Variants in SLC9C1 observed in about 807,000 individuals in gnomAD.
SLC9C1 encodes the protein solute carrier family 9 member C1.
In SLC9C1, 97 loss-of-function variants were observed where a neutral mutation model predicts 140.9. The ratio of observed to expected loss-of-function variants is 0.69; its 90% CI spans 0.58 to 0.82. The LOEUF is 0.82. Among genes scored for constraint, SLC9C1 ranks in the 40% least tolerant of loss-of-function variants. The pLI, the probability that SLC9C1 is intolerant of heterozygous loss-of-function variation, is 0.00. For missense variants in SLC9C1, 1,340 were observed against 1,389.3 expected (o/e 0.96, Z 0.56); for synonymous variants, 440 against 442.6 (o/e 0.99, Z 0.07).
chr3:112,147,608 C>A, intron 28 of SLC9C1: 1 of 326,626 alleles, frequency 3.1e-6, no homozygotes. Context: ...GAATATAGAT[C>A]CCCAGTCTCT....
At chr3:112,274,090 A>G (rs1380338188) in intron 6 of SLC9C1, among the ~76,000 whole-genome samples, 1 of 152,190 alleles carries the variant, frequency 6.6e-6, no homozygotes, top group Non-Finnish European at 1.5e-5. Context: ...CTTTGATTTC[A>G]TAGACATCCT....
At chr3:112,182,433 T>C (rs1445602271) in intron 20 of SLC9C1, among the ~76,000 whole-genome samples, 175 bp from the exon 21 acceptor site, 2 of 152,170 alleles carry the variant, frequency 1.3e-5, no homozygotes, top group East Asian at 3.8e-4. Context: ...ATTATTTTTA[T>C]TTCTTCCCAA....
At chr3:112,225,886 T>C (rs1015961436) in intron 13 of SLC9C1, among the ~76,000 whole-genome samples, 1 of 152,028 alleles carries the variant, frequency 6.6e-6, no homozygotes, top group African/African-American at 2.4e-5. Flanking sequence ...GACATATAAA[T>C]ACCAAAAACC....
intron 28 of SLC9C1, among the ~76,000 whole-genome samples, chr3:112,144,851 C>T (rs1321662343): frequency 6.6e-6 from 1 of 152,104 alleles, no homozygotes; most frequent in Non-Finnish European, 1.5e-5. Flanking sequence ...TGGTAGAGTC[C>T]TTAGGGTTTT....
Position 112,202,339 on chromosome 3 carries a change from A to G in SLC9C1, c.2233T>C (p.Trp745Arg). 6.2e-7 allele frequency: 1 copy of G among 1,610,336 alleles called. No homozygotes were observed. The highest frequency in any genetic ancestry group is 1.1e-5 in the South Asian group (1 of 89,850). ...DKRMSHQKTF[W>R]YGILKGYVQG... is the part of the protein sequence containing the mutation. ...ACATAGCCTTTTAGTATTCCATACC[A>G]AAAGGTCTTCTGATGACTCATTCTT... The change falls in exon 18 of 29, where the codon TGG becomes CGG. Residue 745 changes from tryptophan to arginine, a missense_variant. Transcript: ENST00000305815.
chr3:112,251,870 A>G (rs2108260826), intron 10 of SLC9C1, among the ~76,000 whole-genome samples: 1 of 152,216 alleles, frequency 6.6e-6, no homozygotes, highest in Middle Eastern at 3.4e-3. Context: ...GGATCTTTGC[A>G]ACTCTTGGGT....
chr3:112,149,255 GC>G (rs929046768), intron 28 of SLC9C1, among the ~76,000 whole-genome samples: 3 of 151,860 alleles, frequency 2.0e-5, no homozygotes, highest in Middle Eastern at 3.4e-3. Context: ...GAGTCCCACT[GC>G]TTCATGATTC....
chr3:112,274,575 G>A (rs1325960665), intron 6 of SLC9C1, among the ~76,000 whole-genome samples: 3 of 152,024 alleles, frequency 2.0e-5, no homozygotes, highest in Non-Finnish European at 2.9e-5. Context: ...TGCACTATTT[G>A]GCTTATCTTC....
chr3:112,241,533 T>C (rs1452637813), intron 11 of SLC9C1, among the ~76,000 whole-genome samples: 1 of 152,168 alleles, frequency 6.6e-6, no homozygotes, highest in Admixed American at 6.6e-5. Flanking sequence ...CAAAGCAATA[T>C]GCAGATTCAA....
At chr3:112,212,602 A>G (rs572120381) in intron 15 of SLC9C1, among the ~76,000 whole-genome samples, 69 of 152,368 alleles carry the variant, frequency 4.5e-4, no homozygotes, top group Non-Finnish European at 8.4e-4. Context: ...AAGAAAGGGT[A>G]TCAGTGATTG....
chr3:112,223,169 A>C (rs1164506099), intron 13 of SLC9C1, among the ~76,000 whole-genome samples: 1 of 152,174 alleles, frequency 6.6e-6, no homozygotes, highest in Non-Finnish European at 1.5e-5. Context: ...CAAAACTTAA[A>C]GTGTGAAAGT....
chr3:112,178,679 T>C (rs561745338), intron 23 of SLC9C1, among the ~76,000 whole-genome samples: 1 of 152,342 alleles, frequency 6.6e-6, no homozygotes, highest in South Asian at 2.1e-4. Context: ...TGCCTGGTTG[T>C]CCCATTTAGT....
chr3:112,183,353 T>TTTTTTTTTTTTTTTTTC (rs2077476510), intron 20 of SLC9C1, among the ~76,000 whole-genome samples: 1 of 39,728 alleles, frequency 2.5e-5, no homozygotes, highest in African/African-American at 6.6e-5. Flanking sequence ...CCTTTTCTTT[T>TTTTTTTTTTTTTTTTTC]TTTTTTTTTT....
Position 112,274,992 on chromosome 3 carries a change from C to A in SLC9C1, c.518G>T (p.Gly173Val). 1 of 1,578,020 alleles carries A rather than the reference C, an allele frequency of 6.3e-7. No individual in the cohort carries two copies. Among genetic ancestry groups the A allele is most frequent in the South Asian group, 1.2e-5 (1 of 82,762 alleles). ...TATAACAGAGGTCATCAGACTTTCTCCATTAATTAAACTGATGAGGCTTCT... is the reference window on the plus strand; with the variant it reads ...TATAACAGAGGTCATCAGACTTTCTACATTAATTAAACTGATGAGGCTTCT... ...LSRSLISLIN[G>V]ESLMTSVISL... The change falls in exon 6 of 29, where the codon GGA becomes GTA. Residue 173 changes from glycine (G) to valine (V), a missense_variant. Coordinates refer to ENST00000305815, the MANE Select transcript of SLC9C1 (RefSeq NM_183061.3).
chr3:112,265,442 G>T (rs1306963430), intron 8 of SLC9C1, among the ~76,000 whole-genome samples: 1 of 152,034 alleles, frequency 6.6e-6, no homozygotes, highest in African/African-American at 2.4e-5. Context: ...GAATTTTATT[G>T]AAGTGCTCCA....
intron 10 of SLC9C1, among the ~76,000 whole-genome samples, chr3:112,260,114 A>G (rs970299311): frequency 1.3e-5 from 2 of 152,126 alleles, no homozygotes; most frequent in African/African-American, 4.8e-5. Context: ...TAAAGTGTCC[A>G]ATTATAATTT....
chr3:112,196,244 G>A (rs7625249), intron 20 of SLC9C1, among the ~76,000 whole-genome samples: 1 of 151,736 alleles, frequency 6.6e-6, no homozygotes, highest in Non-Finnish European at 1.5e-5. Flanking sequence ...CCAAGTTTTC[G>A]GGTAAGAAAT....
chr3:112,149,444 T>G (rs2074895480), intron 28 of SLC9C1, among the ~76,000 whole-genome samples: 1 of 152,056 alleles, frequency 6.6e-6, no homozygotes, highest in East Asian at 1.9e-4. Context: ...CCTGGAGATC[T>G]GCCTAAGTGT....
At chr3:112,254,991 G>A (rs2079565273) in intron 10 of SLC9C1, among the ~76,000 whole-genome samples, 1 of 151,972 alleles carries the variant, frequency 6.6e-6, no homozygotes, top group African/African-American at 2.4e-5. Flanking sequence ...ACAAAGAAGG[G>A]CATTACACAA....
Sources: gnomAD v4.1 joint callset for allele counts (sites outside exome capture counted in the v4.1 genomes callset) on GRCh38, gnomAD v4.1.1 for gene constraint, MANE v1.5 for transcripts, NCBI Gene and HGNC (gene_info 2026-07-23, HGNC 2026-07-21) for gene names.